The following ACOX3 variants were observed in gnomAD, a reference collection of about 807,000 sequenced individuals.
ACOX3 encodes peroxisomal acyl-coenzyme A oxidase 3.
ACOX3 carries 73 observed loss-of-function variants against 81.5 expected under a neutral mutation model. That is an observed-to-expected ratio of 0.90 (90% CI 0.74 to 1.09). The LOEUF (loss-of-function observed/expected upper bound fraction) is 1.09. ACOX3 is among the 50% of genes least tolerant of loss of function. The pLI, the probability that ACOX3 is intolerant of heterozygous loss-of-function variation, is 0.00. For missense variants in ACOX3, 947 were observed against 928.0 expected (o/e 1.02, Z -0.27); for synonymous variants, 387 against 375.1 (o/e 1.03, Z -0.37).
chr4:8,436,862 G>A (rs1724266549), intron 1 of ACOX3, among the ~76,000 whole-genome samples: 1 of 148,920 alleles, frequency 6.7e-6, no homozygotes. Flanking sequence ...CGTGGTGGCG[G>A]GTAGCTGTAG....
At chr4:8,360,138 T>A in the ACOX3 span, among the ~76,000 whole-genome samples, 2 of 152,228 alleles carry the variant, frequency 1.3e-5, no homozygotes, top group Non-Finnish European at 2.9e-5. Context: ...GCTTTCTCTT[T>A]TCACAATGGT....
intron 1 of ACOX3, among the ~76,000 whole-genome samples, chr4:8,421,863 G>T (rs1252075802): frequency 6.6e-6 from 1 of 152,164 alleles, no homozygotes; most frequent in Non-Finnish European, 1.5e-5. Flanking sequence ...CATTGTGTAA[G>T]ATGCTCTCCT....
intron 16 of ACOX3, among the ~76,000 whole-genome samples, chr4:8,372,744 G>A (rs759312149): frequency 6.6e-6 from 1 of 152,182 alleles, no homozygotes; most frequent in Non-Finnish European, 1.5e-5. Context: ...AGTGACAGGG[G>A]AGATGAAAGG....
intron 1 of ACOX3, among the ~76,000 whole-genome samples, chr4:8,417,302 G>T (rs572953603): frequency 1.3e-5 from 2 of 152,250 alleles, no homozygotes; most frequent in Non-Finnish European, 2.9e-5. Flanking sequence ...GAACTTTTGA[G>T]TCCTTTGAGC....
intron 13 of ACOX3, among the ~76,000 whole-genome samples, chr4:8,388,897 C>A (rs544045083): frequency 6.6e-6 from 1 of 152,166 alleles, no homozygotes; most frequent in Non-Finnish European, 1.5e-5. Flanking sequence ...TGGCCTCTCA[C>A]GCCCTTTATC....
rs780165214 is a variant in ACOX3 at position 8,366,924 on chromosome 4, C to T, written c.*37G>A. Reference sequence around the variant, plus strand: ...AGGTCCACGTCTGATTAGTTCCCTTCGTTTCATTAGACTTGGCTGAATGTG... The same window carrying T: ...AGGTCCACGTCTGATTAGTTCCCTTTGTTTCATTAGACTTGGCTGAATGTG... On this transcript the variant is annotated 3_prime_UTR_variant, in exon 18 of 18. Coordinates refer to ENST00000356406, the MANE Select transcript of ACOX3 (RefSeq NM_003501.3). The T allele has an allele frequency of 1.6e-5, 25 of 1,610,216 alleles. No individual in the cohort carries two copies. Among genetic ancestry groups the T allele is most frequent in the Middle Eastern group, 3.3e-4 (2 of 6,070 alleles).
intron 1 of ACOX3, among the ~76,000 whole-genome samples, chr4:8,422,008 G>C (rs1378289049): frequency 6.6e-6 from 1 of 152,224 alleles, no homozygotes; most frequent in Admixed American, 6.5e-5. Context: ...GAATAGATCA[G>C]GAAGAAAGCG....
At chr4:8,398,714 G>A (rs1424612322) in intron 8 of ACOX3, among the ~76,000 whole-genome samples, 3 of 152,266 alleles carry the variant, frequency 2.0e-5, no homozygotes, top group Admixed American at 1.3e-4. Flanking sequence ...GGGCTCAAGC[G>A]ATCTGCCCAC....
In ACOX3 at chr4:8,416,985, C is replaced by G. The variant is rs577995486; in HGVS notation, c.-14-450G>C. Reference sequence around the variant, plus strand: ...TCCACTCTGGCCACACACAATGGTACCTCACGTCTCCACCCACCGCCGGTC... The same window carrying G: ...TCCACTCTGGCCACACACAATGGTAGCTCACGTCTCCACCCACCGCCGGTC... On this transcript the variant is annotated intron_variant, in intron 1 of 17. Transcript: ENST00000356406. This position sits in a 1 kb window ranked among gnomAD's most constrained non-coding sequence, Gnocchi z 4.2. Among the ~76,000 whole-genome samples the G allele has an allele frequency of 6.6e-6, 1 of 152,342 alleles. No individual in the cohort carries two copies.
chr4:8,401,098 A>T (rs1422534914), intron 7 of ACOX3, among the ~76,000 whole-genome samples: 1 of 151,928 alleles, frequency 6.6e-6, no homozygotes, highest in Non-Finnish European at 1.5e-5. Flanking sequence ...AGTAGGATTC[A>T]CGCTCCTATA....
At chr4:8,356,637 G>C in the ACOX3 span, 1 of 455,966 alleles carries the variant, frequency 2.2e-6, no homozygotes, top group African/African-American at 2.0e-5. Context: ...GTGAGAGGAA[G>C]AAAGTGTGCA....
At chr4:8,392,540 A>G in intron 10 of ACOX3, 87 bp from the exon 11 acceptor site, 3 of 1,370,236 alleles carry the variant, frequency 2.2e-6, no homozygotes, top group Non-Finnish European at 2.9e-6. Flanking sequence ...TCAAACCACC[A>G]TATCACCTCT....
chr4:8,440,099 T>C (rs1163483685), intron 1 of ACOX3, among the ~76,000 whole-genome samples: 1 of 152,256 alleles, frequency 6.6e-6, no homozygotes, highest in African/African-American at 2.4e-5. Context: ...CTTTCTGTTC[T>C]GTTAGCTGAT....
intron 3 of ACOX3, among the ~76,000 whole-genome samples, 163 bp downstream of exon 3, chr4:8,415,603 A>G (rs990918816): frequency 6.6e-6 from 1 of 152,174 alleles, no homozygotes; most frequent in African/African-American, 2.4e-5. Flanking sequence ...AGGGGGACTG[A>G]AATTTTTTTA....
In ACOX3 at chr4:8,432,525, G is replaced by A. The variant is rs537555582; in HGVS notation, c.-15+8123C>T. On this transcript the variant is annotated intron_variant, in intron 1 of 17. Coordinates refer to ENST00000356406, the MANE Select transcript of ACOX3 (RefSeq NM_003501.3). The surrounding 1 kb of genome is among the most constrained non-coding windows in gnomAD (Gnocchi z 6.2). ...TGGGATTACAGGCGTGAGCCACCGC[G>A]CCCGGCCTGATTTTTTTTTTTAATT... Among the ~76,000 whole-genome samples the A allele has an allele frequency of 2.6e-5, 4 of 151,904 alleles. No individual in the cohort carries two copies. Among genetic ancestry groups the A allele is most frequent in the Non-Finnish European group, 4.4e-5 (3 of 68,010 alleles).
chr4:8,396,799 A>G, intron 9 of ACOX3, 138 bp downstream of exon 9: 1 of 987,824 alleles, frequency 1.0e-6, no homozygotes, highest in Non-Finnish European at 1.5e-6. Flanking sequence ...GAGATGCCGC[A>G]CTCCCGCTAA....
At position 8,421,465 on chromosome 4, in the gene ACOX3, G is replaced by A. The variant is rs534537922; in HGVS notation, c.-14-4930C>T. Among the ~76,000 whole-genome samples the A allele has an allele frequency of 5.3e-5, 8 of 152,368 alleles. No individual in the cohort carries two copies. In the East Asian group the frequency reaches 1.5e-3, roughly 29 times the overall value. ...ATTGGCCGGTCAAGATCATGGCGCAGCCAGAAGTCTCTACTCAACAGTTGC... is the reference window on the plus strand; with the variant it reads ...ATTGGCCGGTCAAGATCATGGCGCAACCAGAAGTCTCTACTCAACAGTTGC... On this transcript the variant is annotated intron_variant, in intron 1 of 17. Coordinates refer to ENST00000356406, the MANE Select transcript of ACOX3 (RefSeq NM_003501.3).
the ACOX3 span, chr4:8,357,347 G>T: frequency 2.3e-6 from 1 of 431,870 alleles, no homozygotes; most frequent in Admixed American, 2.4e-5. Flanking sequence ...AGTGCTGGGT[G>T]CAGGAACACT....
chr4:8,372,166 C>T (rs747581), intron 16 of ACOX3, among the ~76,000 whole-genome samples: 20,172 of 152,192 alleles, frequency 0.13, 1,461 homozygotes, highest in African/African-American at 0.18. Context: ...GGTGCAATTA[C>T]GGCTCACTGC....
Sources: allele counts gnomAD v4.1 joint callset (sites outside exome capture counted in the v4.1 genomes callset), GRCh38; gene constraint gnomAD v4.1.1; non-coding constraint Gnocchi (gnomAD v3.1); transcripts MANE v1.5; gene names NCBI Gene and HGNC (gene_info 2026-07-23, HGNC 2026-07-21).